The following NAALADL2 variants were observed in gnomAD, a reference collection of about 807,000 sequenced individuals.
The protein encoded by NAALADL2 is inactive N-acetylated-alpha-linked acidic dipeptidase-like protein 2.
Under a neutral mutation model 87.2 loss-of-function variants are expected in NAALADL2, and 76 were observed. That is an observed-to-expected ratio of 0.87 (90% CI 0.72 to 1.05). The LOEUF is 1.05. Ranked by LOEUF, NAALADL2 falls within the 50% of genes least tolerant of loss-of-function variation. The pLI, the probability that NAALADL2 is intolerant of heterozygous loss-of-function variation, is 0.00. For missense variants in NAALADL2, 1,089 were observed against 945.8 expected, an observed-to-expected ratio of 1.15 and a Z score of -1.99; for synonymous variants, 354 against 331.0, an observed-to-expected ratio of 1.07 and a Z score of -0.75.
At chr3:175,055,344 G>C (rs7612477) in intron 1 of NAALADL2, among the ~76,000 whole-genome samples, 14 of 152,080 alleles carry the variant, frequency 9.2e-5, no homozygotes, top group Admixed American at 6.5e-5. Flanking sequence ...TGAATCCTGT[G>C]TGTATTTGTA....
At chr3:175,439,714 G>A (rs1394365177) in intron 5 of NAALADL2, among the ~76,000 whole-genome samples, 1 of 133,258 alleles carries the variant, frequency 7.5e-6, no homozygotes, top group Non-Finnish European at 1.6e-5. Flanking sequence ...TGTTTCTTGT[G>A]TTTGTGGTTT....
At chr3:175,394,295 C>A (rs11929332) in intron 5 of NAALADL2, among the ~76,000 whole-genome samples, 10 of 151,910 alleles carry the variant, frequency 6.6e-5, no homozygotes, top group Non-Finnish European at 1.0e-4. Flanking sequence ...AAGTTTTAAC[C>A]CTTGGTAGCA....
At position 175,097,092 on chromosome 3, in the gene NAALADL2, A is replaced by C. The variant is rs185670080; in HGVS notation, c.346A>C (p.Lys116Gln). The C allele has an allele frequency of 1.2e-6, 2 of 1,613,750 alleles. No individual in the cohort carries two copies. Among genetic ancestry groups the C allele is most frequent in the Admixed American group, 3.3e-5 (2 of 59,978 alleles). Reference protein sequence around the residue: ...YITHYTRSAPKSNRCNFCHVL... With the variant: ...YITHYTRSAPQSNRCNFCHVL... Reference sequence around the variant, plus strand: ...TACCCATTATACACGATCTGCACCAAAGAGCAATCGCTGCAACTTTTGCCA... The same window carrying C: ...TACCCATTATACACGATCTGCACCACAGAGCAATCGCTGCAACTTTTGCCA... Residue 116 changes from lysine (K) to glutamine (Q), a missense_variant, in exon 2 of 14, where the codon AAG becomes CAG. Physicochemically the swap from Lys to Gln is moderately conservative, Grantham distance 53. Transcript: ENST00000454872.
intron 2 of NAALADL2, among the ~76,000 whole-genome samples, chr3:174,663,812 G>A (rs1183740482): frequency 1.4e-5 from 2 of 139,334 alleles, no homozygotes; most frequent in Non-Finnish European, 3.1e-5. Context: ...TTTTGAGACA[G>A]AGTTTTGCTC....
chr3:175,152,227 T>C (rs1034110611), intron 2 of NAALADL2, among the ~76,000 whole-genome samples: 11 of 152,210 alleles, frequency 7.2e-5, no homozygotes, highest in South Asian at 4.1e-4. Context: ...GATCTAGTTT[T>C]CTGTAAGAAA....
rs572144650 is a variant in NAALADL2 at position 175,425,508 on chromosome 3, C to T, written c.1091-21721C>T. Among the ~76,000 whole-genome samples, 8 of 152,176 alleles carry T rather than the reference C, an allele frequency of 5.3e-5. No individual in the cohort carries two copies. In the South Asian group the frequency reaches 1.7e-3, roughly 32 times the overall value. ...AAATAATAGGTTTACCCAGGACAAACATCTGCCATAAATTTAGATGTATTT... is the reference window on the plus strand; with the variant it reads ...AAATAATAGGTTTACCCAGGACAAATATCTGCCATAAATTTAGATGTATTT... On this transcript the variant is annotated intron_variant, in intron 5 of 13. Coordinates refer to ENST00000454872, the MANE Select transcript of NAALADL2 (RefSeq NM_207015.3).
At chr3:174,506,458 GGCGTGAACCA>G (rs1331542599) in intron 1 of NAALADL2, among the ~76,000 whole-genome samples, 2 of 152,058 alleles carry the variant, frequency 1.3e-5, no homozygotes, top group Non-Finnish European at 1.5e-5. Flanking sequence ...TAGGATTACA[GGCGTGAACCA>G]CTACCTCCGG....
intron 1 of NAALADL2, among the ~76,000 whole-genome samples, chr3:174,927,097 T>A (rs1224277061): frequency 1.4e-5 from 2 of 147,090 alleles, no homozygotes; most frequent in East Asian, 2.0e-4. Context: ...CCAACAAAAA[T>A]CAAAAGAGAC....
At chr3:175,704,933 A>G (rs974072846) in intron 11 of NAALADL2, among the ~76,000 whole-genome samples, 9 of 152,210 alleles carry the variant, frequency 5.9e-5, no homozygotes, top group Admixed American at 2.0e-4. Context: ...CAAAGAAAGG[A>G]TGAGCAATTC....
intron 9 of NAALADL2, among the ~76,000 whole-genome samples, chr3:175,561,054 A>C (rs545600219): frequency 1.3e-5 from 2 of 152,324 alleles, no homozygotes; most frequent in African/African-American, 4.8e-5. Context: ...GAAAGGTGGA[A>C]AACTGTCTAA....
intron 1 of NAALADL2, among the ~76,000 whole-genome samples, chr3:174,496,981 C>G (rs1366121361): frequency 6.6e-6 from 1 of 152,124 alleles, no homozygotes. Flanking sequence ...TTTACTTGTT[C>G]CATTACTTGC....
chr3:175,326,519 T>C (rs1391629440), intron 5 of NAALADL2, among the ~76,000 whole-genome samples: 1 of 152,234 alleles, frequency 6.6e-6, no homozygotes, highest in African/African-American at 2.4e-5. Context: ...GAATTTGTTA[T>C]AGCAAGAACC....
chr3:175,593,784 C>A (rs1251747696), intron 10 of NAALADL2, among the ~76,000 whole-genome samples: 1 of 151,234 alleles, frequency 6.6e-6, no homozygotes, highest in Non-Finnish European at 1.5e-5. Context: ...AAAAAAAAAC[C>A]TCCCGTTAAC....
At chr3:175,656,680 A>G (rs745731631) in intron 11 of NAALADL2, among the ~76,000 whole-genome samples, 3 of 152,076 alleles carry the variant, frequency 2.0e-5, no homozygotes, top group Non-Finnish European at 2.9e-5. Flanking sequence ...AAAGGTGTGC[A>G]GAGGAAGAAA....
At chr3:174,726,585 A>G (rs1424010824) in intron 2 of NAALADL2, among the ~76,000 whole-genome samples, 2 of 152,114 alleles carry the variant, frequency 1.3e-5, no homozygotes, top group Non-Finnish European at 2.9e-5. Context: ...CCCTGTTCAT[A>G]GTACTTGGCT....
rs372215549 is a variant in NAALADL2 at position 174,842,339 on chromosome 3, C to T, written c.-9+104593C>T. ...GTGCTGAGATTATAGGTGTGAGCCACTGCACCTGGCCACATTTAAACTTTT... is the reference window on the plus strand; with the variant it reads ...GTGCTGAGATTATAGGTGTGAGCCATTGCACCTGGCCACATTTAAACTTTT... On this transcript the variant is annotated intron_variant, in intron 3 of 3. Transcript: ENST00000434257. 1.2e-4 allele frequency among the ~76,000 whole-genome samples: 19 copies of T among 152,290 alleles called. 1 individual carries two copies. In the South Asian group the frequency reaches 3.9e-3, roughly 32 times the overall value.
chr3:175,466,853 T>A, intron 7 of NAALADL2, 126 bp from the exon 8 acceptor site: 1 of 763,992 alleles, frequency 1.3e-6, no homozygotes. Flanking sequence ...ATTAAAGTAG[T>A]CTTAATTATT....
intron 3 of NAALADL2, among the ~76,000 whole-genome samples, chr3:174,826,076 T>A (rs537507894): frequency 8.6e-5 from 13 of 151,094 alleles, no homozygotes; most frequent in African/African-American, 3.2e-4. Context: ...ACAACAACAA[T>A]CAAACAAAAT....
chr3:174,792,931 A>G (rs1717638708), intron 3 of NAALADL2, among the ~76,000 whole-genome samples: 3 of 152,122 alleles, frequency 2.0e-5, no homozygotes, highest in Non-Finnish European at 1.5e-5. Flanking sequence ...TTGGCAGTAT[A>G]CTTTTTTTCT....
Sources: allele counts gnomAD v4.1 joint callset (sites outside exome capture counted in the v4.1 genomes callset), GRCh38; gene constraint gnomAD v4.1.1; transcripts MANE v1.5; gene names NCBI Gene and HGNC (gene_info 2026-07-23, HGNC 2026-07-21).